LTBP1: variants seen among roughly 807,000 people sequenced by gnomAD.
The protein encoded by LTBP1 is latent-transforming growth factor beta-binding protein 1.
LTBP1 carries 129 observed loss-of-function variants against 207.6 expected under a neutral mutation model. That is an observed-to-expected ratio of 0.62 (90% CI 0.54 to 0.72). The LOEUF (loss-of-function observed/expected upper bound fraction) is 0.72, where lower values mean the gene tolerates loss of function less well. Among genes scored for constraint, LTBP1 ranks in the 30% least tolerant of loss-of-function variants. LTBP1 has a pLI of 0.00. For synonymous variants in LTBP1, 963 were observed against 833.7 expected, an observed-to-expected ratio of 1.16 and a Z score of -2.67; for missense variants, 2,281 against 2,217.2, an observed-to-expected ratio of 1.03 and a Z score of -0.58.
rs1195936997 is a variant in LTBP1 at position 32,949,036 on chromosome 2, G to A, written c.565+91G>A. ...GCATCTCACAAGGGCCACTTGAAAG[G>A]GCTCGGGGGAAGTTGAAGTCTGAAA... On this transcript the variant is annotated intron_variant, in intron 2 of 33. Coordinates refer to ENST00000404816, the MANE Select transcript of LTBP1 (RefSeq NM_206943.4). 8 of 1,251,798 alleles carry A rather than the reference G, an allele frequency of 6.4e-6. No homozygotes were observed. In the Admixed American group the frequency reaches 1.2e-4, roughly 19 times the overall value. 77.5% of individuals were successfully genotyped at this position (1,251,798 alleles called of 1,614,324 possible).
chr2:33,106,009 C>T (rs1217128479), intron 3 of LTBP1, among the ~76,000 whole-genome samples: 1 of 152,162 alleles, frequency 6.6e-6, no homozygotes, highest in Non-Finnish European at 1.5e-5. Flanking sequence ...TATTAGAAAT[C>T]CCTGGTTGTC....
At chr2:33,314,936 G>C (rs1433240507) in intron 23 of LTBP1, among the ~76,000 whole-genome samples, 1 of 152,160 alleles carries the variant, frequency 6.6e-6, no homozygotes, top group African/African-American at 2.4e-5. Flanking sequence ...AAAAATGATT[G>C]TACATTGGCT....
intron 5 of LTBP1, among the ~76,000 whole-genome samples, chr2:33,169,513 A>C (rs780098308): frequency 3.3e-5 from 5 of 152,238 alleles, no homozygotes; most frequent in Admixed American, 1.3e-4. Flanking sequence ...TTGAATAATT[A>C]AGCAAGAAAG....
At chr2:33,024,476 AG>A (rs2149256614) in intron 3 of LTBP1, among the ~76,000 whole-genome samples, 1 of 152,318 alleles carries the variant, frequency 6.6e-6, no homozygotes, top group African/African-American at 2.4e-5. Context: ...AGGAACAGCT[AG>A]TTTGGTAAAA....
chr2:33,363,608 A>T, intron 29 of LTBP1, 90 bp downstream of exon 29: 1 of 1,338,634 alleles, frequency 7.5e-7, no homozygotes, highest in East Asian at 2.4e-5. Flanking sequence ...AATTTCCTTG[A>T]ATCTAAATCA....
rs1465703061 is a variant in LTBP1 at position 33,361,472 on chromosome 2, T to G, written c.4227T>G (p.Pro1409=). The change falls in exon 28 of 34, where the codon CCT becomes CCG. Residue 1409 remains proline (P), a synonymous_variant. Transcript: ENST00000404816. ...GTCCCAAAGGGAAAGGTTTTGTGCCTGCTGGAGAATCATCTTCTGAAGCTG... is the reference window on the plus strand; with the variant it reads ...GTCCCAAAGGGAAAGGTTTTGTGCCGGCTGGAGAATCATCTTCTGAAGCTG... The part of the protein sequence containing the change: ...EMCPKGKGFV[P]AGESSSEAGG... 19 of 1,612,826 alleles carry G rather than the reference T, an allele frequency of 1.2e-5. No individual in the cohort carries two copies. The highest frequency in any genetic ancestry group is 1.6e-5 in the Non-Finnish European group (19 of 1,179,556).
chr2:32,972,929 A>G (rs1404234448), intron 2 of LTBP1, among the ~76,000 whole-genome samples: 2 of 152,188 alleles, frequency 1.3e-5, no homozygotes, highest in African/African-American at 4.8e-5. Flanking sequence ...TGGAGTGAGA[A>G]CAGACTAATA....
At chr2:33,363,617 C>A in intron 29 of LTBP1, 99 bp downstream of exon 29, 2 of 1,315,244 alleles carry the variant, frequency 1.5e-6, no homozygotes, top group Non-Finnish European at 1.0e-6. Flanking sequence ...GAATCTAAAT[C>A]ATGTGTTGAA....
chr2:32,983,730 C>T (rs975947840), intron 2 of LTBP1, among the ~76,000 whole-genome samples: 2 of 152,196 alleles, frequency 1.3e-5, no homozygotes, highest in Non-Finnish European at 2.9e-5. Context: ...TCATGCCTGA[C>T]GCCATGTAAA....
chr2:33,313,999 T>G (rs2094225234), intron 23 of LTBP1, among the ~76,000 whole-genome samples: 1 of 152,192 alleles, frequency 6.6e-6, no homozygotes, highest in Non-Finnish European at 1.5e-5. Flanking sequence ...TGAAAGAGCC[T>G]TTTACTTATA....
At chr2:32,957,825 A>G (rs982954919) in intron 2 of LTBP1, among the ~76,000 whole-genome samples, 1 of 152,188 alleles carries the variant, frequency 6.6e-6, no homozygotes, top group Non-Finnish European at 1.5e-5. Flanking sequence ...CTGTACATGC[A>G]TATACTGATG....
intron 3 of LTBP1, among the ~76,000 whole-genome samples, chr2:33,103,456 G>GTTTGCA (rs1295833817): frequency 6.6e-6 from 1 of 152,150 alleles, no homozygotes; most frequent in Non-Finnish European, 1.5e-5. Flanking sequence ...TCTGTATGCT[G>GTTTGCA]TTTGCATTGT....
intron 9 of LTBP1, among the ~76,000 whole-genome samples, chr2:33,235,439 T>C (rs564534162): frequency 6.6e-6 from 1 of 152,324 alleles, no homozygotes; most frequent in South Asian, 2.1e-4. Context: ...ATAGGAACGT[T>C]TTTACACTGT....
intron 2 of LTBP1, among the ~76,000 whole-genome samples, chr2:32,974,345 TC>T (rs1681379591): frequency 6.6e-6 from 1 of 152,200 alleles, no homozygotes; most frequent in South Asian, 2.1e-4. Context: ...TCTCTGATGA[TC>T]AGTGATGTTC....
At chr2:33,396,077 C>T (rs992649705) in intron 32 of LTBP1, among the ~76,000 whole-genome samples, 5 of 152,058 alleles carry the variant, frequency 3.3e-5, no homozygotes, top group African/African-American at 1.2e-4. Flanking sequence ...ATCACAAAAA[C>T]TCTAAAGTCT....
chr2:33,337,045 T>C (rs2094561211), intron 24 of LTBP1, among the ~76,000 whole-genome samples: 1 of 152,212 alleles, frequency 6.6e-6, no homozygotes. Context: ...TTAAACAAGA[T>C]TTACATGACC....
intron 7 of LTBP1, among the ~76,000 whole-genome samples, chr2:33,202,061 A>ACACAC (rs1558805780): frequency 7.5e-5 from 11 of 146,596 alleles, no homozygotes; most frequent in African/African-American, 2.8e-4. Context: ...ACACACACAC[A>ACACAC]GAGCATTCTA....
intron 7 of LTBP1, among the ~76,000 whole-genome samples, chr2:33,194,489 G>A (rs780473916): frequency 9.9e-5 from 15 of 152,176 alleles, no homozygotes; most frequent in African/African-American, 2.7e-4. Flanking sequence ...TTGCTAATAC[G>A]GAGAATGTTT....
chr2:33,274,845 T>G, intron 16 of LTBP1, 120 bp from the exon 17 acceptor site: 1 of 889,948 alleles, frequency 1.1e-6, no homozygotes, highest in Non-Finnish European at 1.7e-6. Context: ...CTTTTGCTGT[T>G]GTCCTCAGTT....
Sources: allele counts gnomAD v4.1 joint callset (sites outside exome capture counted in the v4.1 genomes callset), GRCh38; gene constraint gnomAD v4.1.1; transcripts MANE v1.5; gene names NCBI Gene and HGNC (gene_info 2026-07-23, HGNC 2026-07-21).